SOX5: variants seen among roughly 807,000 people sequenced by gnomAD.
SOX5 encodes the protein transcription factor SOX-5.
SOX5 carries 9 observed loss-of-function variants against 92.0 expected under a neutral mutation model. The observed-to-expected ratio is 0.10, with a 90% CI of 0.06 to 0.17. SOX5 has a LOEUF of 0.17. Among genes scored for constraint, SOX5 ranks in the 10% least tolerant of loss-of-function variants. The pLI, the probability that SOX5 is intolerant of heterozygous loss-of-function variation, is 1.00. For missense variants in SOX5, 642 were observed against 944.5 expected (o/e 0.68, Z 4.20); for synonymous variants, 344 against 336.3 (o/e 1.02, Z -0.25).
intron 1 of SOX5, among the ~76,000 whole-genome samples, chr12:24,554,072 C>CACATATGAA (rs748235633): frequency 1.3e-5 from 2 of 152,148 alleles, no homozygotes; most frequent in Non-Finnish European, 2.9e-5. Context: ...CTGATTCTGC[C>CACATATGAA]AGACACATAT....
chr12:24,093,394 G>A (rs1166588712), intron 4 of SOX5, among the ~76,000 whole-genome samples: 1 of 151,902 alleles, frequency 6.6e-6, no homozygotes, highest in Admixed American at 6.6e-5. Context: ...GTGGTGGCGG[G>A]CGCCTGTAGT....
chr12:24,431,288 T>C (rs1374096356), intron 1 of SOX5, among the ~76,000 whole-genome samples: 1 of 152,132 alleles, frequency 6.6e-6, no homozygotes. Flanking sequence ...AACAAGTGTA[T>C]TGAGAACCAT....
At position 23,762,170 on chromosome 12, in the gene SOX5, C is replaced by T. The variant is rs116961155; in HGVS notation, c.482-6446G>A. Among the ~76,000 whole-genome samples the T allele has an allele frequency of 2.1e-3, 314 of 152,200 alleles. 4 individuals are homozygous for T. Among genetic ancestry groups the T allele is most frequent in the Non-Finnish European group, 3.1e-3 (214 of 67,994 alleles). On this transcript the variant is annotated intron_variant, in intron 3 of 14. Transcript: ENST00000451604. Reference sequence around the variant, plus strand: ...TATTTGTACACTAAAAACCAGAAGGCCCCTTAACAGTCCCCTTAGTCAAGT... The same window carrying T: ...TATTTGTACACTAAAAACCAGAAGGTCCCTTAACAGTCCCCTTAGTCAAGT...
At position 23,855,959 on chromosome 12, in the gene SOX5, G is replaced by T. The variant is rs2096683971; in HGVS notation, c.271-9766C>A. On this transcript the variant is annotated intron_variant, in intron 2 of 14. Transcript: ENST00000451604. Reference sequence around the variant, plus strand: ...CTCTCAATAGAGAACTATGTTTAGGGCAAAAGAAGCTTTTTGTGAAAGAAG... The same window carrying T: ...CTCTCAATAGAGAACTATGTTTAGGTCAAAAGAAGCTTTTTGTGAAAGAAG... Among the ~76,000 whole-genome samples, 2 of 152,036 alleles carry T rather than the reference G, an allele frequency of 1.3e-5. 1 individual carries two copies. The highest frequency in any genetic ancestry group is 2.9e-5 in the Non-Finnish European group (2 of 67,956).
At chr12:24,077,938 A>G (rs1161740459) in intron 4 of SOX5, among the ~76,000 whole-genome samples, 1 of 151,312 alleles carries the variant, frequency 6.6e-6, no homozygotes, top group Non-Finnish European at 1.5e-5. Flanking sequence ...TAATTTGGAA[A>G]TATTTAAATA....
chr12:24,050,281 A>T (rs1438248151), intron 4 of SOX5, among the ~76,000 whole-genome samples: 3 of 152,046 alleles, frequency 2.0e-5, no homozygotes, highest in African/African-American at 7.2e-5. Flanking sequence ...TAGGTTTTTC[A>T]TTTTTTTGTA....
At chr12:24,405,828 T>G (rs1326620908) in intron 1 of SOX5, among the ~76,000 whole-genome samples, 1 of 152,086 alleles carries the variant, frequency 6.6e-6, no homozygotes, top group Non-Finnish European at 1.5e-5. Flanking sequence ...CTCTAAAAGT[T>G]ATAAAGGATC....
In SOX5 at chr12:23,535,956, A is replaced by G. The variant is rs958520822; in HGVS notation, c.1988+497T>C. ...TTCAGAATGAAACCTCCTGTTCCCAACCTTGTTACACCCTAAATATAATCC... is the reference window on the plus strand; with the variant it reads ...TTCAGAATGAAACCTCCTGTTCCCAGCCTTGTTACACCCTAAATATAATCC... On this transcript the variant is annotated intron_variant, in intron 14 of 14. Coordinates refer to ENST00000451604, the MANE Select transcript of SOX5 (RefSeq NM_006940.6). 2.6e-5 allele frequency among the ~76,000 whole-genome samples: 4 copies of G among 152,156 alleles called. No individual in the cohort carries two copies. In the East Asian group the frequency reaches 7.7e-4, roughly 29 times the overall value.
chr12:24,438,907 C>T (rs74425165), intron 1 of SOX5, among the ~76,000 whole-genome samples: 1,704 of 152,328 alleles, frequency 0.011, 29 homozygotes, highest in African/African-American at 0.037. Context: ...GTTGATAAAG[C>T]AGTGGTTTGA....
chr12:24,057,492 G>A (rs1958248767), intron 4 of SOX5, among the ~76,000 whole-genome samples: 2 of 152,082 alleles, frequency 1.3e-5, no homozygotes, highest in Non-Finnish European at 2.9e-5. Flanking sequence ...AAAGGTGCAT[G>A]ACTTAGTCTT....
At chr12:24,435,497 A>C (rs911256595) in intron 1 of SOX5, among the ~76,000 whole-genome samples, 35 of 152,240 alleles carry the variant, frequency 2.3e-4, no homozygotes, top group African/African-American at 8.0e-4. Flanking sequence ...CACAAAGGAA[A>C]TCTCTTTCTA....
intron 1 of SOX5, among the ~76,000 whole-genome samples, chr12:24,483,744 C>T (rs1389319293): frequency 6.6e-6 from 1 of 152,154 alleles, no homozygotes; most frequent in Non-Finnish European, 1.5e-5. Flanking sequence ...CTCCAATGAG[C>T]CTAAATTGGA....
intron 6 of SOX5, among the ~76,000 whole-genome samples, chr12:23,706,615 G>T (rs2091426543): frequency 3.3e-5 from 5 of 151,896 alleles, no homozygotes. Flanking sequence ...AATATTTTTA[G>T]TACAGAAAAG....
chr12:24,147,021 T>C (rs1344245649), intron 4 of SOX5, among the ~76,000 whole-genome samples: 1 of 152,084 alleles, frequency 6.6e-6, no homozygotes, highest in Non-Finnish European at 1.5e-5. Flanking sequence ...TAAACACAGA[T>C]TGCTTCACTG....
intron 3 of SOX5, among the ~76,000 whole-genome samples, chr12:23,779,340 T>TGAA (rs2141711192): frequency 6.6e-6 from 1 of 150,790 alleles, no homozygotes; most frequent in South Asian, 2.1e-4. Context: ...GTGATTTTAC[T>TGAA]TCCACTGAAT....
chr12:23,951,160 C>T (rs1032160162), upstream of SOX5: 39 of 408,880 alleles, frequency 9.5e-5, no homozygotes, highest in Non-Finnish European at 1.5e-4. Context: ...GAGAATTCCA[C>T]GAGGAAATTC....
At chr12:23,686,745 T>G (rs2087666720) in intron 6 of SOX5, among the ~76,000 whole-genome samples, 1 of 152,054 alleles carries the variant, frequency 6.6e-6, no homozygotes, top group African/African-American at 2.4e-5. Context: ...GAAATTCTGA[T>G]AGCAATCATC....
chr12:24,287,791 C>T (rs572155867), intron 2 of SOX5, among the ~76,000 whole-genome samples: 28 of 152,010 alleles, frequency 1.8e-4, no homozygotes, highest in Admixed American at 1.6e-3. Context: ...GTAGGTATGA[C>T]AGGGCTGATC....
intron 1 of SOX5, among the ~76,000 whole-genome samples, chr12:24,468,507 A>G (rs1944458432): frequency 6.6e-6 from 1 of 152,208 alleles, no homozygotes; most frequent in South Asian, 2.1e-4. Context: ...GGCCCCAAAT[A>G]CTGGAAATGT....
Sources: allele counts gnomAD v4.1 joint callset (sites outside exome capture counted in the v4.1 genomes callset), GRCh38; gene constraint gnomAD v4.1.1; transcripts MANE v1.5; gene names NCBI Gene and HGNC (gene_info 2026-07-23, HGNC 2026-07-21).